RRP7A: variants seen among roughly 807,000 people sequenced by gnomAD.
The protein encoded by RRP7A is ribosomal RNA-processing protein 7 homolog A.
Under a neutral mutation model 38.4 loss-of-function variants are expected in RRP7A, and 27 were observed. That is an observed-to-expected ratio of 0.70 (90% CI 0.52 to 0.97). The LOEUF (loss-of-function observed/expected upper bound fraction) is 0.97, where lower values mean the gene tolerates loss of function less well. RRP7A is among the 50% of genes least tolerant of loss of function. The probability of loss-of-function intolerance (pLI) is 0.00; values close to 1 mark genes in which losing one functional copy is unlikely to be tolerated. For synonymous variants in RRP7A, 124 were observed against 150.3 expected, an observed-to-expected ratio of 0.83 and a Z score of 1.28; for missense variants, 327 against 375.4, an observed-to-expected ratio of 0.87 and a Z score of 1.07.
In RRP7A at chr22:42,511,312, G is replaced by A. The variant is rs1426806913; in HGVS notation, c.*1598C>T. ...GTGCCTCAGCCTCCTGAGTAGCTGG[G>A]ATTACAGGCACCTGCCACCATGCCC... On this transcript the variant is annotated 3_prime_UTR_variant, in exon 7 of 7. Coordinates refer to ENST00000323013, the MANE Select transcript of RRP7A (RefSeq NM_015703.5). 3 of 152,290 alleles carry A rather than the reference G, an allele frequency of 2.0e-5. No homozygotes were observed. The highest frequency in any genetic ancestry group is 7.2e-5 in the African/African-American group (3 of 41,426). 9.4% of individuals were successfully genotyped at this position (152,290 alleles called of 1,614,324 possible). A position where few individuals can be genotyped will look rare whatever the true frequency, so the allele number is the denominator to read the frequency against.
chr22:42,515,870 G>A, intron 3 of RRP7A, 141 bp downstream of exon 3: 1 of 1,102,054 alleles, frequency 9.1e-7, no homozygotes, highest in Non-Finnish European at 1.3e-6. Context: ...TTGTCACCCA[G>A]ACAGTCTCTT....
rs1260215156 is a variant in RRP7A, at chr22:42,508,445, C to A, written c.*4465G>T. ...GCATGCTGTTTTCCAAATCCAGCTT[C>A]GTGTCACACCTACAGCACATCTCAC... is the stretch of plus-strand genomic sequence containing the variant. On this transcript the variant is annotated 3_prime_UTR_variant, in exon 7 of 7. Transcript: ENST00000323013. 6.6e-6 allele frequency among the ~76,000 whole-genome samples: 1 copy of A among 151,914 alleles called. No individual in the cohort carries two copies. The highest frequency in any genetic ancestry group is 1.5e-5 in the Non-Finnish European group (1 of 68,024).
rs1555985851 is a variant in RRP7A at position 42,509,850 on chromosome 22, G to GTGTGTGTGAGTGTGTGTGTGTGTGT, written c.*3059_*3060insACACACACACACACACTCACACACA. On this transcript the variant is annotated 3_prime_UTR_variant, in exon 7 of 7. Transcript: ENST00000323013. ...AAGCCTGTTGGGGGTGGGGGGGTGGGGTGTGTGTGTGTGTGTGTAAGCTCA... is the reference window on the plus strand; with the variant it reads ...AAGCCTGTTGGGGGTGGGGGGGTGGGTGTGTGTGAGTGTGTGTGTGTGTGTGTGTGTGTGTGTGTGTGTAAGCTCA... 1 of 56,864 alleles carries GTGTGTGTGAGTGTGTGTGTGTGTGT rather than the reference G, an allele frequency of 1.8e-5. No individual in the cohort carries two copies. Among genetic ancestry groups the GTGTGTGTGAGTGTGTGTGTGTGTGT allele is most frequent in the Non-Finnish European group, 3.4e-5 (1 of 29,032 alleles). The allele number at this position is 56,864 out of a possible 1,614,324, so 3.5% of individuals were successfully genotyped here.
At position 42,510,626 on chromosome 22, in the gene RRP7A, T is replaced by G. The variant is rs952031248; in HGVS notation, c.*2284A>C. ...CCCAACAACCCCCAACTCCTCACTTTCCAGAGCAGTCCACGGATATTTTGA... is the reference window on the plus strand; with the variant it reads ...CCCAACAACCCCCAACTCCTCACTTGCCAGAGCAGTCCACGGATATTTTGA... On this transcript the variant is annotated 3_prime_UTR_variant, in exon 7 of 7. Transcript: ENST00000323013. The G allele has an allele frequency of 2.1e-5, 26 of 1,236,880 alleles. No individual in the cohort carries two copies. Among genetic ancestry groups the G allele is most frequent in the Non-Finnish European group, 2.6e-5 (23 of 883,266 alleles). The allele number at this position is 1,236,880 out of a possible 1,614,324, so 76.6% of individuals were successfully genotyped here.
rs1333667584 is a variant in RRP7A, at chr22:42,508,395, A to G, written c.*4515T>C. Among the ~76,000 whole-genome samples, 3 of 151,666 alleles carry G rather than the reference A, an allele frequency of 2.0e-5. No individual in the cohort carries two copies. The highest frequency in any genetic ancestry group is 7.3e-5 in the African/African-American group (3 of 40,966). ...CACAATGTGATTTAAGATGTAATCA[A>G]CATAAAGCTTGATTGCATTATTTTG... On this transcript the variant is annotated 3_prime_UTR_variant, in exon 7 of 7. Transcript: ENST00000323013.
At chr22:42,518,651 T>C (rs1920937991) in intron 1 of RRP7A, 1 of 470,466 alleles carries the variant, frequency 2.1e-6, no homozygotes, top group South Asian at 1.5e-5. Context: ...CAGGAGAGCC[T>C]TAGCATCACC....
At position 42,512,179 on chromosome 22, in the gene RRP7A, T is replaced by A; in HGVS notation, c.*731A>T. 2.5e-6 allele frequency: 4 copies of A among 1,605,598 alleles called. No homozygotes were observed. The highest frequency in any genetic ancestry group is 3.4e-6 in the Non-Finnish European group (4 of 1,173,032). The stretch of plus-strand genomic sequence containing the variant: ...GTCCACATGAGCGAACCCCAGCACG[T>A]GGCCAGTATCATCAGCTCCTTCTTA... On this transcript the variant is annotated 3_prime_UTR_variant, in exon 7 of 7. Coordinates refer to ENST00000323013, the MANE Select transcript of RRP7A (RefSeq NM_015703.5).
Position 42,512,498 on chromosome 22 carries a change from G to A in RRP7A, c.*412C>T. 5.4e-6 allele frequency: 3 copies of A among 560,258 alleles called. No individual in the cohort carries two copies. The South Asian group carries it at 6.4e-5, about 12-fold the overall frequency. 34.7% of individuals were successfully genotyped at this position (560,258 alleles called of 1,614,324 possible). Reference sequence around the variant, plus strand: ...CAGCTGGAGGAAGGAAGGGCGGGCTGGGCCCACCTAGCCTTTCCCTGCTGC... The same window carrying A: ...CAGCTGGAGGAAGGAAGGGCGGGCTAGGCCCACCTAGCCTTTCCCTGCTGC... On this transcript the variant is annotated 3_prime_UTR_variant, in exon 7 of 7. Coordinates refer to ENST00000323013, the MANE Select transcript of RRP7A (RefSeq NM_015703.5).
At chr22:42,514,358 C>A in intron 5 of RRP7A, 54 bp from the exon 6 acceptor site, 1 of 1,363,452 alleles carries the variant, frequency 7.3e-7, no homozygotes, top group South Asian at 1.2e-5. Flanking sequence ...CCTCCAGCAG[C>A]GCGCCCTCCA....
rs11553443 is a variant in RRP7A at position 42,518,047 on chromosome 22, C to A, written c.174G>T (p.Lys58Asn). Reference sequence around the variant, plus strand: ...GCACATTGAGGACAAAAAGAGTCCTCTTCTGAGGCCAGGTGGACTTGGTGC... The same window carrying A: ...GCACATTGAGGACAAAAAGAGTCCTATTCTGAGGCCAGGTGGACTTGGTGC... Reference protein sequence around the residue: ...RQGTKSTWPQKRTLFVLNVPP... With the variant: ...RQGTKSTWPQNRTLFVLNVPP... The change falls in exon 2 of 7, where the codon AAG becomes AAT. Residue 58 changes from lysine to asparagine, a missense_variant. Transcript: ENST00000323013. 6.8e-6 allele frequency: 11 copies of A among 1,613,878 alleles called. No individual in the cohort carries two copies. Among genetic ancestry groups the A allele is most frequent in the Middle Eastern group, 1.6e-4 (1 of 6,084 alleles).
chr22:42,509,255 C>G lies in RRP7A; in HGVS notation c.*3655G>C, dbSNP rs532065746. Reference sequence around the variant, plus strand: ...CTCAAGATCTTTTTTGGGAAGCCCCCCTGGCAGCAGGGTCATGGAAGGAGG... The same window carrying G: ...CTCAAGATCTTTTTTGGGAAGCCCCGCTGGCAGCAGGGTCATGGAAGGAGG... On this transcript the variant is annotated 3_prime_UTR_variant, in exon 7 of 7. Transcript: ENST00000323013. 1 of 1,496,260 alleles carries G rather than the reference C, an allele frequency of 6.7e-7. No individual in the cohort carries two copies. Among genetic ancestry groups the G allele is most frequent in the Middle Eastern group, 1.9e-4 (1 of 5,190 alleles). 92.7% of individuals were successfully genotyped at this position (1,496,260 alleles called of 1,614,324 possible). A position where few individuals can be genotyped will look rare whatever the true frequency, so the allele number is the denominator to read the frequency against.
At position 42,509,861 on chromosome 22, in the gene RRP7A, G is replaced by GTGTGTGTGTGTGTGTGTGTGTGTGTGTC. The variant is rs1932396922; in HGVS notation, c.*3048_*3049insGACACACACACACACACACACACACACA. The GTGTGTGTGTGTGTGTGTGTGTGTGTGTC allele has an allele frequency of 6.6e-6, 1 of 150,868 alleles. No individual in the cohort carries two copies. Among genetic ancestry groups the GTGTGTGTGTGTGTGTGTGTGTGTGTGTC allele is most frequent in the African/African-American group, 2.4e-5 (1 of 40,902 alleles). The allele number at this position is 150,868 out of a possible 1,614,324, so 9.3% of individuals were successfully genotyped here. A position where few individuals can be genotyped will look rare whatever the true frequency, so the allele number is the denominator to read the frequency against. ...GGGTGGGGGGGTGGGGTGTGTGTGT[G>GTGTGTGTGTGTGTGTGTGTGTGTGTGTC]TGTGTGTAAGCTCAGAGGTTTGCGA... On this transcript the variant is annotated 3_prime_UTR_variant, in exon 7 of 7. Transcript: ENST00000323013.
At chr22:42,516,294 G>C in intron 2 of RRP7A, 158 bp from the exon 3 acceptor site, 1 of 936,302 alleles carries the variant, frequency 1.1e-6, no homozygotes, top group Non-Finnish European at 1.7e-6. Context: ...CATGGCCTCC[G>C]ACCTGTTCCC....
intron 4 of RRP7A, 116 bp from the exon 5 acceptor site, chr22:42,514,895 T>G (rs1223314865): frequency 1.1e-6 from 1 of 905,710 alleles, no homozygotes; most frequent in Non-Finnish European, 1.7e-6. Context: ...GCACAGGTGC[T>G]AAGGAGATCC....
rs764053729 is a variant in RRP7A, at chr22:42,514,160, G to C, written c.703C>G (p.Arg235Gly). The C allele has an allele frequency of 8.1e-6, 13 of 1,613,384 alleles. No individual in the cohort carries two copies. The highest frequency in any genetic ancestry group is 1.1e-5 in the Non-Finnish European group (13 of 1,179,818). ...GCGTAGAAGTTGAGCAGCTCTTTTCGGCTGCGCTTCCGTCTCTCCCTCTCC... is the reference window on the plus strand; with the variant it reads ...GCGTAGAAGTTGAGCAGCTCTTTTCCGCTGCGCTTCCGTCTCTCCCTCTCC... ...VLERERRKRS[R>G]KELLNFYAWQ... The change falls in exon 6 of 7, where the codon CGA (arginine) becomes GGA (glycine). Residue 235 changes from arginine (R) to glycine (G), a missense_variant. Around this residue, in one of 5 missense-constraint regions of RRP7A, gnomAD observed 84 missense variants for 82.8 expected, o/e 1.01. Coordinates refer to ENST00000323013, the MANE Select transcript of RRP7A (RefSeq NM_015703.5).
chr22:42,518,525 C>T (rs1327105996), intron 1 of RRP7A: 3 of 436,848 alleles, frequency 6.9e-6, no homozygotes, highest in African/African-American at 6.0e-5. Context: ...CCCCCAGCAC[C>T]TTGGATTCTC....
chr22:42,515,422 C>A (rs1920927071), intron 3 of RRP7A, among the ~76,000 whole-genome samples, 154 bp from the exon 4 acceptor site: 1 of 152,236 alleles, frequency 6.6e-6, no homozygotes, highest in Non-Finnish European at 1.5e-5. Context: ...ATCCCATAAT[C>A]CAGGTCAGAG....
Position 42,508,925 on chromosome 22 carries a change from G to C in RRP7A, c.*3985C>G. 6.5e-7 allele frequency: 1 copy of C among 1,549,310 alleles called. No individual in the cohort carries two copies. Among genetic ancestry groups the C allele is most frequent in the Non-Finnish European group, 8.8e-7 (1 of 1,135,780 alleles). Reference sequence around the variant, plus strand: ...GCTCAGACCCAGGGTGGGTGGCTAAGGTGCCCTCGCCAGGGCTTAGCCACC... The same window carrying C: ...GCTCAGACCCAGGGTGGGTGGCTAACGTGCCCTCGCCAGGGCTTAGCCACC... On this transcript the variant is annotated 3_prime_UTR_variant, in exon 7 of 7. Transcript: ENST00000323013.
chr22:42,519,718 G>C lies in RRP7A; in HGVS notation c.69C>G (p.Tyr23Ter). 6.9e-7 allele frequency: 1 copy of C among 1,459,506 alleles called. No homozygotes were observed. The highest frequency in any genetic ancestry group is 9.0e-7 in the Non-Finnish European group (1 of 1,107,450). 90.4% of individuals were successfully genotyped at this position (1,459,506 alleles called of 1,614,324 possible). A position where few individuals can be genotyped will look rare whatever the true frequency, so the allele number is the denominator to read the frequency against. Reference sequence around the variant, plus strand: ...TCGCGTCCCGGAGCCCCTCACCTGCGTAGCCCAGTGGGCTGGGGATACGGT... The same window carrying C: ...TCGCGTCCCGGAGCCCCTCACCTGCCTAGCCCAGTGGGCTGGGGATACGGT... Reference protein sequence around the residue: ...PEDRIPSPLGYAAIPIKFSEK... With the variant: ...PEDRIPSPLG Residue 23 changes from tyrosine to a stop codon, truncating the protein, a stop_gained, in exon 1 of 7, where the codon TAC becomes TAG. Transcript: ENST00000323013. LOFTEE classifies it high-confidence loss of function.
Sources: gnomAD v4.1 joint callset for allele counts (sites outside exome capture counted in the v4.1 genomes callset) on GRCh38, gnomAD v4.1.1 for gene constraint, gnomAD v4.1.1 regional missense constraint, MANE v1.5 for transcripts, NCBI Gene and HGNC (gene_info 2026-07-23, HGNC 2026-07-21) for gene names.